Variants in TRIO observed in about 807,000 individuals in gnomAD.
TRIO encodes the protein trio Rho guanine nucleotide exchange factor.
TRIO carries 58 observed loss-of-function variants against 351.9 expected under a neutral mutation model. The observed-to-expected ratio is 0.16, with a 90% CI of 0.13 to 0.21. The LOEUF (loss-of-function observed/expected upper bound fraction) is 0.21. Ranked by LOEUF, TRIO falls within the 10% of genes least tolerant of loss-of-function variation. TRIO has a pLI of 1.00. For missense variants in TRIO, 3,201 were observed against 4,027.8 expected (o/e 0.79, Z 5.56); for synonymous variants, 1,758 against 1,595.7 (o/e 1.10, Z -2.42).
At position 14,406,679 on chromosome 5, in the gene TRIO, C is replaced by T. The variant is rs1462047299; in HGVS notation, c.4959+7C>T. The T allele has an allele frequency of 6.2e-7, 1 of 1,613,356 alleles. No individual in the cohort carries two copies. Among genetic ancestry groups the T allele is most frequent in the Non-Finnish European group, 8.5e-7 (1 of 1,179,574 alleles). On this transcript the variant is annotated splice_region_variant and intron_variant, in intron 33 of 56. Transcript: ENST00000344204. ...CACGCTGGACAGCGATAAGGTGAGT[C>T]ACTGCCGGCACTTTGTGTGCGGAGG... is the stretch of plus-strand genomic sequence containing the variant.
chr5:14,315,171 C>G (rs572656575), intron 8 of TRIO, among the ~76,000 whole-genome samples: 1 of 152,140 alleles, frequency 6.6e-6, no homozygotes, highest in South Asian at 2.1e-4. Flanking sequence ...TTTACCTATT[C>G]CCTGTGTGCT....
rs747770943 is a variant in TRIO, at chr5:14,492,707, G to A, written c.7773G>A (p.Val2591=). Residue 2591 remains valine (V), a synonymous_variant, in exon 49 of 57, where the codon GTG becomes GTA. Coordinates refer to ENST00000344204, the MANE Select transcript of TRIO (RefSeq NM_007118.4). The part of the protein sequence containing the change: ...LASNQQNMFL[V]FRAATDQCPA... Reference sequence around the variant, plus strand: ...GCAACCAGCAGAACATGTTTCTGGTGTTCCGAGCCGCCACTGACCAGTGCC... The same window carrying A: ...GCAACCAGCAGAACATGTTTCTGGTATTCCGAGCCGCCACTGACCAGTGCC... 1.2e-5 allele frequency: 20 copies of A among 1,614,028 alleles called. No homozygotes were observed. The South Asian group carries it at 2.0e-4, about 16-fold the overall frequency.
chr5:14,414,213 C>T (rs367685191), intron 33 of TRIO, among the ~76,000 whole-genome samples: 16 of 152,336 alleles, frequency 1.1e-4, no homozygotes, highest in South Asian at 8.3e-4. Context: ...TTACCTGCCA[C>T]GCCACAGGGC....
chr5:14,359,557 C>T lies in TRIO; in HGVS notation c.2391+26C>T, dbSNP rs199633885. 5.4e-3 allele frequency: 8,689 copies of T among 1,607,602 alleles called. 31 individuals carry two copies. The highest frequency in any genetic ancestry group is 6.4e-3 in the Non-Finnish European group (7,545 of 1,175,890). ...GTGAGTGTCCCGCGGCTGGCGCCTG[C>T]CTGCCTGTGGGAGCCCTTGGCTTCC... is the stretch of plus-strand genomic sequence containing the variant. On this transcript the variant is annotated intron_variant, in intron 13 of 56. Coordinates refer to ENST00000344204, the MANE Select transcript of TRIO (RefSeq NM_007118.4).
chr5:14,508,368 A>G lies in TRIO; in HGVS notation c.9240A>G (p.Arg3080=), dbSNP rs1438573641. The change falls in exon 57 of 57, where the codon CGA becomes CGG. Residue 3080 remains arginine, a synonymous_variant. Coordinates refer to ENST00000344204, the MANE Select transcript of TRIO (RefSeq NM_007118.4). ...IERRKHQNDV[R]PIRSIKNFLQ... is the part of the protein sequence containing the mutation. ...GGCGCAAACACCAGAATGATGTTCG[A>G]CCTATCCGTAGCATTAAAAACTTTC... The G allele has an allele frequency of 6.2e-7, 1 of 1,613,916 alleles. No individual in the cohort carries two copies. The highest frequency in any genetic ancestry group is 8.5e-7 in the Non-Finnish European group (1 of 1,180,024).
intron 1 of TRIO, among the ~76,000 whole-genome samples, chr5:14,160,816 C>G (rs1170249277): frequency 1.3e-5 from 2 of 152,212 alleles, no homozygotes; most frequent in Non-Finnish European, 2.9e-5. Context: ...GATCTCCTTC[C>G]CGACTCGTCC....
At chr5:14,429,577 A>C (rs1750922335) in intron 34 of TRIO, among the ~76,000 whole-genome samples, 1 of 152,218 alleles carries the variant, frequency 6.6e-6, no homozygotes, top group Non-Finnish European at 1.5e-5. Flanking sequence ...AAATGCACAT[A>C]GGCACAACAC....
chr5:14,468,392 C>T (rs1463043247), intron 37 of TRIO, among the ~76,000 whole-genome samples: 1 of 152,232 alleles, frequency 6.6e-6, no homozygotes, highest in Non-Finnish European at 1.5e-5. Context: ...TGTCTTTCAG[C>T]TACACATGGG....
At chr5:14,319,977 C>T (rs1348666682) in intron 9 of TRIO, among the ~76,000 whole-genome samples, 1 of 152,180 alleles carries the variant, frequency 6.6e-6, no homozygotes, top group African/African-American at 2.4e-5. Context: ...GTGTGTAGCA[C>T]ACTTACCGTG....
intron 45 of TRIO, 143 bp from the exon 46 acceptor site, chr5:14,482,439 G>T: frequency 3.2e-6 from 2 of 626,704 alleles, no homozygotes; most frequent in Admixed American, 8.2e-5. Context: ...AACAGTAAAA[G>T]AAAAAAAAAA....
intron 7 of TRIO, among the ~76,000 whole-genome samples, chr5:14,299,393 TGAA>T (rs1306614571): frequency 6.6e-6 from 1 of 152,118 alleles, no homozygotes; most frequent in South Asian, 2.1e-4. Context: ...AGTAGCCTAA[TGAA>T]GAAGGAGCCC....
At chr5:14,190,139 A>G (rs1408968303) in intron 1 of TRIO, among the ~76,000 whole-genome samples, 8 of 152,160 alleles carry the variant, frequency 5.3e-5, no homozygotes, top group Admixed American at 2.6e-4. Context: ...GGTTCCATCT[A>G]GTAGAGGCTA....
At chr5:14,285,589 A>G (rs1736371744) in intron 3 of TRIO, among the ~76,000 whole-genome samples, 1 of 152,170 alleles carries the variant, frequency 6.6e-6, no homozygotes, top group Admixed American at 6.5e-5. Flanking sequence ...ATGTAAGAGC[A>G]TGAAATTGGT....
At position 14,497,097 on chromosome 5, in the gene TRIO, T is replaced by G; in HGVS notation, c.8019+80T>G. On this transcript the variant is annotated intron_variant, in intron 50 of 56. Transcript: ENST00000344204. The surrounding 1 kb of genome is among the most constrained non-coding windows in gnomAD (Gnocchi z 4.4). Reference sequence around the variant, plus strand: ...AGGGAGGGCAGAGACTCTGCAGACCTGAAGCTGGGCTTGCTTATGACCTCC... The same window carrying G: ...AGGGAGGGCAGAGACTCTGCAGACCGGAAGCTGGGCTTGCTTATGACCTCC... The G allele has an allele frequency of 6.4e-7, 1 of 1,555,420 alleles. No individual in the cohort carries two copies.
chr5:14,480,029 C>G lies in TRIO; in HGVS notation c.6336+18C>G. Reference sequence around the variant, plus strand: ...TACTGAAGGTGAGGAGGTGGCGGGACAAACTCTGGTGTCAGGAGTGAGTTT... The same window carrying G: ...TACTGAAGGTGAGGAGGTGGCGGGAGAAACTCTGGTGTCAGGAGTGAGTTT... On this transcript the variant is annotated intron_variant, in intron 43 of 56. Coordinates refer to ENST00000344204, the MANE Select transcript of TRIO (RefSeq NM_007118.4). The G allele has an allele frequency of 6.2e-7, 1 of 1,611,700 alleles. No individual in the cohort carries two copies. The highest frequency in any genetic ancestry group is 8.5e-7 in the Non-Finnish European group (1 of 1,178,076).
At chr5:14,462,034 C>T (rs1753858312) in intron 35 of TRIO, among the ~76,000 whole-genome samples, 3 of 152,138 alleles carry the variant, frequency 2.0e-5, no homozygotes, top group Admixed American at 2.0e-4. Context: ...AATGAGGGGT[C>T]CTCAGAGTTT....
intron 34 of TRIO, among the ~76,000 whole-genome samples, chr5:14,449,389 C>T (rs990582074): frequency 3.9e-5 from 6 of 152,294 alleles, no homozygotes; most frequent in Non-Finnish European, 5.9e-5. Context: ...GTGACATCGA[C>T]GCGGCCAGCC....
chr5:14,485,237 T>C lies in TRIO; in HGVS notation c.6826T>C (p.Phe2276Leu). Residue 2276 changes from phenylalanine to leucine, a missense_variant, in exon 47 of 57, where the codon TTT becomes CTT. Transcript: ENST00000344204. ...CCAAATTTTAGAAAACCAGCGCAAT[T>C]TTTTAAATGGTAATGTGTGTTCTGT... is the stretch of plus-strand genomic sequence containing the variant. ...INQILENQRN[F>L]LNALTSPIEY... 1.9e-6 allele frequency: 3 copies of C among 1,579,498 alleles called. No individual in the cohort carries two copies. The highest frequency in any genetic ancestry group is 2.6e-6 in the Non-Finnish European group (3 of 1,155,580).
chr5:14,270,126 A>G (rs960616799), intron 1 of TRIO, among the ~76,000 whole-genome samples: 1 of 152,194 alleles, frequency 6.6e-6, no homozygotes, highest in African/African-American at 2.4e-5. Flanking sequence ...TGCCTATTGC[A>G]TGCTCCTTTT....
Sources: gnomAD v4.1 joint callset for allele counts (sites outside exome capture counted in the v4.1 genomes callset) on GRCh38, gnomAD v4.1.1 for gene constraint, Gnocchi (gnomAD v3.1) non-coding constraint, MANE v1.5 for transcripts, NCBI Gene and HGNC (gene_info 2026-07-23, HGNC 2026-07-21) for gene names.